The following DCPH1 variants were observed in gnomAD, a reference collection of about 807,000 sequenced individuals.
DCPH1 encodes damage-control phosphatase 1.
the DCPH1 span, chr6:151,452,768 C>A: frequency 8.5e-6 from 5 of 588,050 alleles, no homozygotes; most frequent in Non-Finnish European, 1.1e-5. Context: ...GGGAGGCGGC[C>A]CCGGGGAGGG....
the DCPH1 span, chr6:151,452,682 C>T: frequency 2.3e-6 from 3 of 1,303,438 alleles, no homozygotes; most frequent in East Asian, 2.6e-5. Context: ...CCCCGGTGGG[C>T]TGCGTTCGAG....
the DCPH1 span, chr6:151,469,794 C>A: frequency 1.3e-5 from 2 of 152,328 alleles, no homozygotes; most frequent in Non-Finnish European, 2.9e-5. Context: ...AATGTAATAT[C>A]TTTTATATTC....
the DCPH1 span, chr6:151,464,494 A>G: frequency 6.2e-7 from 1 of 1,610,426 alleles, no homozygotes; most frequent in South Asian, 1.1e-5. Context: ...GAATCAAAAG[A>G]GCAAAATTTC....
the DCPH1 span, chr6:151,468,371 T>C: frequency 6.4e-7 from 1 of 1,561,978 alleles, no homozygotes; most frequent in Non-Finnish European, 8.6e-7. Context: ...AAGTGTGATC[T>C]GTCTCTCTCA....
At chr6:151,469,055 C>T in the DCPH1 span, 1 of 1,613,972 alleles carries the variant, frequency 6.2e-7, no homozygotes, top group Non-Finnish European at 8.5e-7. Context: ...GCCTCTGAGC[C>T]CAGCTGGTGG....
At chr6:151,464,543 C>T in the DCPH1 span, 88 of 1,611,544 alleles carry the variant, frequency 5.5e-5, no homozygotes, top group Non-Finnish European at 7.3e-5. Context: ...TATGTACTCA[C>T]CTGCAACAAT....
chr6:151,456,943 A>G, the DCPH1 span, among the ~76,000 whole-genome samples: 1 of 152,308 alleles, frequency 6.6e-6, no homozygotes, highest in East Asian at 1.9e-4. Flanking sequence ...GGCAGAGTTT[A>G]TTGTCTCTCC....
the DCPH1 span, among the ~76,000 whole-genome samples, chr6:151,457,950 A>T: frequency 6.6e-6 from 1 of 152,184 alleles, no homozygotes; most frequent in Non-Finnish European, 1.5e-5. Flanking sequence ...AAGTTAAAAA[A>T]AATTTGAGCT....
chr6:151,460,990 C>G, the DCPH1 span, among the ~76,000 whole-genome samples: 9 of 152,084 alleles, frequency 5.9e-5, no homozygotes, highest in Admixed American at 5.9e-4. Flanking sequence ...CTAACATGCC[C>G]AAGGTGACAT....
chr6:151,463,799 A>C, the DCPH1 span, among the ~76,000 whole-genome samples: 1 of 152,212 alleles, frequency 6.6e-6, no homozygotes, highest in Non-Finnish European at 1.5e-5. Flanking sequence ...ATTAGTATTT[A>C]TATCTCCTTA....
At chr6:151,461,326 C>T in the DCPH1 span, among the ~76,000 whole-genome samples, 1 of 152,150 alleles carries the variant, frequency 6.6e-6, no homozygotes, top group Non-Finnish European at 1.5e-5. Flanking sequence ...TTTCACAAAC[C>T]TGGCTGCACA....
the DCPH1 span, chr6:151,454,705 A>C: frequency 1.1e-6 from 1 of 874,146 alleles, no homozygotes; most frequent in South Asian, 1.5e-5. Flanking sequence ...ACAGAAACAT[A>C]ATAAATAGTT....
the DCPH1 span, among the ~76,000 whole-genome samples, chr6:151,455,069 T>C: frequency 6.6e-6 from 1 of 152,218 alleles, no homozygotes; most frequent in Non-Finnish European, 1.5e-5. Context: ...TATGCAAAGC[T>C]CAGTGATATG....
At chr6:151,458,280 G>T in the DCPH1 span, 1 of 1,567,296 alleles carries the variant, frequency 6.4e-7, no homozygotes, top group Non-Finnish European at 8.7e-7. Flanking sequence ...TAGAGGAATT[G>T]CACAGACACA....
At chr6:151,466,363 TTGAA>T in the DCPH1 span, among the ~76,000 whole-genome samples, 1 of 152,214 alleles carries the variant, frequency 6.6e-6, no homozygotes, top group African/African-American at 2.4e-5. Context: ...ATCATCTTCT[TTGAA>T]TGTGTTCTTT....
chr6:151,466,925 A>T, the DCPH1 span, among the ~76,000 whole-genome samples: 69 of 151,858 alleles, frequency 4.5e-4, no homozygotes, highest in Admixed American at 1.1e-3. Flanking sequence ...CCTTTTTTTT[A>T]AAAAAAATTT....
At chr6:151,458,707 T>TTGGACATTTCTACAAATGTTACTGA in the DCPH1 span, 3 of 652,116 alleles carry the variant, frequency 4.6e-6, no homozygotes, top group African/African-American at 3.7e-5. Flanking sequence ...AATAGCATTG[T>TTGGACATTTCTACAAATGTTACTGA]TGGACATTTC....
chr6:151,452,723 C>T, the DCPH1 span: 1 of 897,182 alleles, frequency 1.1e-6, no homozygotes, highest in Non-Finnish European at 1.6e-6. Context: ...TTCCGGGGCG[C>T]CTTTGCGGGT....
chr6:151,465,387 T>C, the DCPH1 span, among the ~76,000 whole-genome samples: 2 of 151,774 alleles, frequency 1.3e-5, no homozygotes, highest in Non-Finnish European at 2.9e-5. Flanking sequence ...GAAAAGGGCG[T>C]TGGGAATGTT....
Sources: allele counts gnomAD v4.1 joint callset (sites outside exome capture counted in the v4.1 genomes callset), GRCh38; gene constraint gnomAD v4.1.1; transcripts MANE v1.5; gene names NCBI Gene and HGNC (gene_info 2026-07-23, HGNC 2026-07-21).